ATIC: variants seen among roughly 807,000 people sequenced by gnomAD.
ATIC encodes bifunctional purine biosynthesis protein ATIC.
Under a neutral mutation model 72.5 loss-of-function variants are expected in ATIC, and 64 were observed. That is an observed-to-expected ratio of 0.88 (90% CI 0.72 to 1.09). The LOEUF is 1.09. ATIC is among the 50% of genes least tolerant of loss of function. The pLI is 0.00. For synonymous variants in ATIC, 281 were observed against 267.1 expected, an observed-to-expected ratio of 1.05 and a Z score of -0.51; for missense variants, 787 against 732.4, an observed-to-expected ratio of 1.07 and a Z score of -0.86.
chr2:215,318,884 CT>C (rs576388730), intron 3 of ATIC, among the ~76,000 whole-genome samples: 154 of 144,922 alleles, frequency 1.1e-3, no homozygotes, highest in Middle Eastern at 3.5e-3. Context: ...ATATATCTCT[CT>C]TTTTTTTTTT....
At chr2:215,347,484 C>T (rs1322724756) in intron 14 of ATIC, 9 of 424,408 alleles carry the variant, frequency 2.1e-5, no homozygotes, top group Non-Finnish European at 3.2e-5. Flanking sequence ...AGGTAGCCCG[C>T]CAGAAGAAAA....
intron 2 of ATIC, among the ~76,000 whole-genome samples, chr2:215,312,864 C>T (rs546200355): frequency 2.2e-3 from 336 of 152,150 alleles, no homozygotes; most frequent in African/African-American, 7.6e-3. Context: ...TTTGGGAGGC[C>T]GAGGTGGGCT....
intron 7 of ATIC, among the ~76,000 whole-genome samples, chr2:215,329,382 A>T (rs569244464): frequency 1.3e-5 from 2 of 152,194 alleles, no homozygotes; most frequent in Non-Finnish European, 2.9e-5. Context: ...TATTTGTGGT[A>T]AACATGGCAG....
intron 2 of ATIC, among the ~76,000 whole-genome samples, chr2:215,315,894 G>T (rs1461903040): frequency 2.6e-5 from 4 of 151,814 alleles, no homozygotes; most frequent in Admixed American, 2.0e-4. Context: ...GGTGGAGGTT[G>T]CAGTGAGCCG....
intron 7 of ATIC, 61 bp from the exon 8 acceptor site, chr2:215,332,321 G>A: frequency 1.9e-6 from 3 of 1,605,244 alleles, no homozygotes; most frequent in African/African-American, 1.3e-5. Context: ...TTTGAGAAGT[G>A]TGCATACATC....
chr2:215,346,478 C>A (rs2053071563), intron 13 of ATIC, among the ~76,000 whole-genome samples: 1 of 144,630 alleles, frequency 6.9e-6, no homozygotes, highest in Admixed American at 6.9e-5. Context: ...TTTATTTTAA[C>A]TTTTTTTTTT....
rs776004386 is a variant in ATIC at position 215,349,579 on chromosome 2, A to G, written c.1703A>G (p.Asp568Gly). ...GCGGCTCCCTCCGGTTCTGCTGCTG[A>G]CAAAGTTGTGATTGAGGCCTGCGAC... is the stretch of plus-strand genomic sequence containing the variant. ...YIAAPSGSAA[D>G]KVVIEACDEL... Residue 568 changes from aspartate (D) to glycine (G), a missense_variant, in exon 16 of 16, where the codon GAC becomes GGC. By Grantham distance (94) the Asp-to-Gly change is moderately conservative. Coordinates refer to ENST00000236959, the MANE Select transcript of ATIC (RefSeq NM_004044.7). 3.7e-6 allele frequency: 6 copies of G among 1,614,156 alleles called. No individual in the cohort carries two copies. Among genetic ancestry groups the G allele is most frequent in the Non-Finnish European group, 4.2e-6 (5 of 1,180,034 alleles).
chr2:215,322,057 C>A (rs1420842597), intron 4 of ATIC, among the ~76,000 whole-genome samples: 1 of 151,884 alleles, frequency 6.6e-6, no homozygotes, highest in Non-Finnish European at 1.5e-5. Flanking sequence ...CCCGCCACCA[C>A]ACTTGGCTAA....
At chr2:215,322,688 G>A (rs1024034885) in intron 4 of ATIC, among the ~76,000 whole-genome samples, 3 of 152,008 alleles carry the variant, frequency 2.0e-5, no homozygotes, top group African/African-American at 7.2e-5. Context: ...TAAGTCTTTG[G>A]TTCATTTTAA....
chr2:215,336,140 G>A lies in ATIC; in HGVS notation c.1098+16G>A, dbSNP rs1217167801. The A allele has an allele frequency of 1.3e-6, 2 of 1,565,882 alleles. No individual in the cohort carries two copies. Among genetic ancestry groups the A allele is most frequent in the Admixed American group, 3.3e-5 (2 of 59,922 alleles). ...TGTCCTTCAGGTGAGTGCAATTCAT[G>A]TTTGAAGCGGTAATTTGCTCTTTTA... On this transcript the variant is annotated intron_variant, in intron 11 of 15. Transcript: ENST00000236959.
At chr2:215,330,023 A>G (rs888691871) in intron 7 of ATIC, among the ~76,000 whole-genome samples, 2 of 152,148 alleles carry the variant, frequency 1.3e-5, no homozygotes, top group African/African-American at 2.4e-5. Flanking sequence ...TGGCCTCCCA[A>G]AGTGTTGGGG....
chr2:215,365,101 A>G, the ATIC span: 1 of 741,430 alleles, frequency 1.3e-6, no homozygotes. Flanking sequence ...CAAACACCAC[A>G]TATTTATGTG....
intron 12 of ATIC, among the ~76,000 whole-genome samples, chr2:215,340,053 G>A (rs143134634): frequency 1.3e-5 from 2 of 152,224 alleles, no homozygotes; most frequent in South Asian, 2.1e-4. Context: ...GCAGTGGTGC[G>A]ATCATAGCTC....
In ATIC at chr2:215,338,821, C is replaced by G; in HGVS notation, c.1141C>G (p.Leu381Val). Residue 381 changes from leucine to valine, a missense_variant, in exon 12 of 16, where the codon CTC (leucine) becomes GTC (valine). Coordinates refer to ENST00000236959, the MANE Select transcript of ATIC (RefSeq NM_004044.7). ...ACCAGATGAAAATGAAGTTCGAACT[C>G]TCTTTGGTCTTCATTTAAGCCAGAA... ...YKPDENEVRT[L>V]FGLHLSQKRN... is the part of the protein sequence containing the mutation. The G allele has an allele frequency of 1.2e-6, 2 of 1,613,852 alleles. No individual in the cohort carries two copies. The highest frequency in any genetic ancestry group is 1.1e-5 in the South Asian group (1 of 91,070).
intron 12 of ATIC, among the ~76,000 whole-genome samples, chr2:215,344,091 G>C (rs2053047452): frequency 6.6e-6 from 1 of 152,152 alleles, no homozygotes; most frequent in Non-Finnish European, 1.5e-5. Context: ...TCTCCGCATT[G>C]GTTCTGAACG....
rs2052835809 is a variant in ATIC at position 215,327,015 on chromosome 2, C to T, written c.688+37C>T. On this transcript the variant is annotated intron_variant, in intron 7 of 15. Transcript: ENST00000236959. ...GCGTTCTGTGGCATGGTTTGCTGTG[C>T]CTGGAGAGTGTGTGTTTCTCTGTAT... is the stretch of plus-strand genomic sequence containing the variant. 2.5e-6 allele frequency: 4 copies of T among 1,613,654 alleles called. No homozygotes were observed. The African/African-American group carries it at 5.3e-5, about 22-fold the overall frequency.
chr2:215,334,501 C>T (rs1281900168), intron 9 of ATIC, among the ~76,000 whole-genome samples: 2 of 152,090 alleles, frequency 1.3e-5, no homozygotes, highest in Non-Finnish European at 2.9e-5. Flanking sequence ...TCTAACTTTA[C>T]TACATTTGGT....
At chr2:215,365,496 A>G in the ATIC span, 1 of 1,613,762 alleles carries the variant, frequency 6.2e-7, no homozygotes. Flanking sequence ...ATGATCTGTG[A>G]TGACATACGA....
At chr2:215,334,845 CAGT>C (rs1211444245) in intron 9 of ATIC, 71 bp from the exon 10 acceptor site, 2 of 1,180,566 alleles carry the variant, frequency 1.7e-6, no homozygotes, top group Non-Finnish European at 2.5e-6. Flanking sequence ...TTTTATATGA[CAGT>C]GGAGAATTTT....
Sources: allele counts gnomAD v4.1 joint callset (sites outside exome capture counted in the v4.1 genomes callset), GRCh38; gene constraint gnomAD v4.1.1; transcripts MANE v1.5; gene names NCBI Gene and HGNC (gene_info 2026-07-23, HGNC 2026-07-21).